TMEM17: variants seen among roughly 807,000 people sequenced by gnomAD.
TMEM17 encodes transmembrane protein 17.
In TMEM17, 15 loss-of-function variants were observed where a neutral mutation model predicts 19.1. The observed-to-expected ratio is 0.78, with a 90% CI of 0.52 to 1.21. The LOEUF (loss-of-function observed/expected upper bound fraction) is 1.21. TMEM17 is among the 50% of genes most tolerant of loss of function. TMEM17 has a pLI of 0.00. For missense variants in TMEM17, 245 were observed against 242.3 expected (o/e 1.01, Z -0.07); for synonymous variants, 103 against 86.9 (o/e 1.19, Z -1.03).
intron 1 of TMEM17, among the ~76,000 whole-genome samples, chr2:62,503,133 T>C (rs1276344171): frequency 6.6e-6 from 1 of 152,204 alleles, no homozygotes; most frequent in Non-Finnish European, 1.5e-5. Context: ...TTTTGTAGAA[T>C]TCTATGTAAA....
At position 62,501,392 on chromosome 2, in the gene TMEM17, G is replaced by C; in HGVS notation, c.414C>G (p.Pro138=). The C allele has an allele frequency of 6.2e-7, 1 of 1,614,166 alleles. No individual in the cohort carries two copies. Among genetic ancestry groups the C allele is most frequent in the South Asian group, 1.1e-5 (1 of 91,082 alleles). The change falls in exon 4 of 4, where the codon CCC becomes CCG. Residue 138 remains proline (P), a synonymous_variant. Transcript: ENST00000335390. ...LLFNEGLTNL[P]LEKAIHIIFT... The stretch of plus-strand genomic sequence containing the variant: ...AGATGATATGTATCGCTTTTTCCAA[G>C]GGCAGATTTGTTAGGCCTTCATTAA...
intron 1 of TMEM17, among the ~76,000 whole-genome samples, chr2:62,505,668 C>G (rs6754221): frequency 0.47 from 71,695 of 152,104 alleles, 17,437 homozygotes; most frequent in Middle Eastern, 0.53. Flanking sequence ...CCTTCGCTCT[C>G]GCGGCGCGCG....
At chr2:62,459,287 C>T in the TMEM17 span, among the ~76,000 whole-genome samples, 1 of 152,238 alleles carries the variant, frequency 6.6e-6, no homozygotes, top group Non-Finnish European at 1.5e-5. Context: ...AAGAGGCAGG[C>T]CTTGTTGTGA....
chr2:62,477,507 C>A, the TMEM17 span, among the ~76,000 whole-genome samples: 2 of 152,268 alleles, frequency 1.3e-5, no homozygotes, highest in African/African-American at 2.4e-5. Flanking sequence ...GAGCCATTAA[C>A]TCCCTCACAG....
At chr2:62,489,436 T>C in the TMEM17 span, among the ~76,000 whole-genome samples, 1 of 152,226 alleles carries the variant, frequency 6.6e-6, no homozygotes, top group African/African-American at 2.4e-5. Context: ...TTTTTGTCTT[T>C]AGTTAGGATC....
the TMEM17 span, among the ~76,000 whole-genome samples, chr2:62,476,281 T>C: frequency 6.6e-6 from 1 of 152,216 alleles, no homozygotes; most frequent in Admixed American, 6.5e-5. Flanking sequence ...CAGCATCTAC[T>C]GTGATGCTCT....
the TMEM17 span, among the ~76,000 whole-genome samples, chr2:62,488,372 A>C: frequency 2.0e-5 from 3 of 152,178 alleles, no homozygotes. Context: ...TGCTGAATGG[A>C]GAATAAAAAC....
the TMEM17 span, among the ~76,000 whole-genome samples, chr2:62,467,284 C>T: frequency 1.3e-5 from 2 of 152,072 alleles, no homozygotes; most frequent in Admixed American, 6.5e-5. Flanking sequence ...GCAGGATCCC[C>T]AGGTGGTTCT....
chr2:62,467,784 A>G, the TMEM17 span, among the ~76,000 whole-genome samples: 1 of 152,122 alleles, frequency 6.6e-6, no homozygotes, highest in Non-Finnish European at 1.5e-5. Context: ...ATGGAGGCCA[A>G]GTAGTCTCAG....
chr2:62,492,859 A>G, the TMEM17 span, among the ~76,000 whole-genome samples: 1 of 152,270 alleles, frequency 6.6e-6, no homozygotes, highest in Admixed American at 6.5e-5. Flanking sequence ...TCAGGCAGAC[A>G]GAGCAGTTTG....
chr2:62,469,738 A>T, the TMEM17 span, among the ~76,000 whole-genome samples: 1 of 152,238 alleles, frequency 6.6e-6, no homozygotes, highest in Non-Finnish European at 1.5e-5. Flanking sequence ...TCCTGAGCAT[A>T]GGAAAGTGTG....
chr2:62,474,690 G>A, the TMEM17 span, among the ~76,000 whole-genome samples: 1 of 152,074 alleles, frequency 6.6e-6, no homozygotes, highest in Non-Finnish European at 1.5e-5. Flanking sequence ...GGGGCTGGTA[G>A]CATGACAGAC....
At chr2:62,462,165 C>A in the TMEM17 span, among the ~76,000 whole-genome samples, 1 of 152,190 alleles carries the variant, frequency 6.6e-6, no homozygotes, top group Non-Finnish European at 1.5e-5. Context: ...CCAGCCCGTG[C>A]CCCAGTCCTG....
At chr2:62,478,470 G>A in the TMEM17 span, among the ~76,000 whole-genome samples, 1 of 152,198 alleles carries the variant, frequency 6.6e-6, no homozygotes, top group East Asian at 1.9e-4. Context: ...AAAGGCACAT[G>A]GCAAGAAATT....
At chr2:62,505,180 T>C (rs979514575) in intron 1 of TMEM17, among the ~76,000 whole-genome samples, 11 of 152,164 alleles carry the variant, frequency 7.2e-5, no homozygotes, top group African/African-American at 1.4e-4. Context: ...GAGGAAAAGA[T>C]TGATATTTCC....
the TMEM17 span, among the ~76,000 whole-genome samples, chr2:62,458,619 A>G: frequency 7.9e-5 from 12 of 152,334 alleles, no homozygotes; most frequent in East Asian, 1.5e-3. Flanking sequence ...GCACTCTGCA[A>G]CCTGGCTCTG....
downstream of TMEM17, among the ~76,000 whole-genome samples, chr2:62,495,803 CTA>C (rs1679762999): frequency 6.6e-6 from 1 of 152,176 alleles, no homozygotes; most frequent in African/African-American, 2.4e-5. Context: ...TTTTTCTTGG[CTA>C]TGTTTCCAAT....
chr2:62,481,611 T>C, the TMEM17 span, among the ~76,000 whole-genome samples: 1 of 152,142 alleles, frequency 6.6e-6, no homozygotes, highest in Non-Finnish European at 1.5e-5. Context: ...TTTCCCTCTA[T>C]ACATAATTTA....
At chr2:62,455,042 T>TA in the TMEM17 span, among the ~76,000 whole-genome samples, 2 of 152,180 alleles carry the variant, frequency 1.3e-5, no homozygotes, top group East Asian at 3.8e-4. Context: ...TTGCATATCA[T>TA]AAAATTCATT....
Sources: allele counts gnomAD v4.1 joint callset (sites outside exome capture counted in the v4.1 genomes callset), GRCh38; gene constraint gnomAD v4.1.1; transcripts MANE v1.5; gene names NCBI Gene and HGNC (gene_info 2026-07-23, HGNC 2026-07-21).